PRKG1: variants seen among roughly 807,000 people sequenced by gnomAD.
The protein encoded by PRKG1 is protein kinase cGMP-dependent 1.
Under a neutral mutation model 88.1 loss-of-function variants are expected in PRKG1, and 35 were observed. That is an observed-to-expected ratio of 0.40 (90% confidence interval 0.30 to 0.53). The LOEUF (loss-of-function observed/expected upper bound fraction) is 0.53. Ranked by LOEUF, PRKG1 falls within the 20% of genes least tolerant of loss-of-function variation. The pLI is 0.59. For missense variants in PRKG1, 540 were observed against 839.8 expected, an observed-to-expected ratio of 0.64 and a Z score of 4.41; for synonymous variants, 303 against 292.5, an observed-to-expected ratio of 1.04 and a Z score of -0.37.
chr10:51,804,929 T>C (rs1042557142), intron 4 of PRKG1, among the ~76,000 whole-genome samples: 2 of 152,084 alleles, frequency 1.3e-5, no homozygotes, highest in African/African-American at 4.8e-5. Context: ...CCATGACGTA[T>C]GGTTAAGTCA....
chr10:51,153,682 C>T (rs187049729), intron 2 of PRKG1, among the ~76,000 whole-genome samples: 1 of 151,950 alleles, frequency 6.6e-6, no homozygotes, highest in East Asian at 1.9e-4. Context: ...TATTTTTGGC[C>T]GATAATTTAA....
chr10:51,787,594 T>C (rs1838760654), intron 3 of PRKG1, among the ~76,000 whole-genome samples: 1 of 152,136 alleles, frequency 6.6e-6, no homozygotes, highest in Non-Finnish European at 1.5e-5. Flanking sequence ...CTGCTGTGTA[T>C]ATTTATACCT....
chr10:52,024,730 T>A (rs932813297), intron 5 of PRKG1, among the ~76,000 whole-genome samples: 5 of 152,212 alleles, frequency 3.3e-5, no homozygotes, highest in African/African-American at 1.2e-4. Context: ...AGTCTATCAT[T>A]GATGGACATT....
At chr10:51,975,829 A>C (rs1288798123) in intron 5 of PRKG1, among the ~76,000 whole-genome samples, 5 of 152,208 alleles carry the variant, frequency 3.3e-5, no homozygotes, top group African/African-American at 1.2e-4. Context: ...CAAAATGATT[A>C]TATCAGTACA....
At chr10:52,191,360 G>C (rs1391589320) in intron 9 of PRKG1, among the ~76,000 whole-genome samples, 1 of 151,352 alleles carries the variant, frequency 6.6e-6, no homozygotes, top group African/African-American at 2.4e-5. Flanking sequence ...CAGAGATGGG[G>C]TTTTGCCATG....
chr10:51,093,030 C>G (rs1045481435), intron 1 of PRKG1, among the ~76,000 whole-genome samples: 2 of 152,148 alleles, frequency 1.3e-5, no homozygotes, highest in Non-Finnish European at 2.9e-5. Flanking sequence ...TCAAAACACA[C>G]TACGAATCGT....
intron 3 of PRKG1, among the ~76,000 whole-genome samples, chr10:51,727,175 A>G (rs954785472): frequency 2.6e-5 from 4 of 151,852 alleles, no homozygotes; most frequent in African/African-American, 9.7e-5. Context: ...GCATGATGAC[A>G]CACACCTGTG....
intron 3 of PRKG1, among the ~76,000 whole-genome samples, chr10:51,649,013 C>A: frequency 6.6e-6 from 1 of 152,040 alleles, no homozygotes; most frequent in Non-Finnish European, 1.5e-5. Context: ...AAACTAAACC[C>A]CGTCTCTATA....
intron 8 of PRKG1, among the ~76,000 whole-genome samples, chr10:52,149,912 C>T (rs768945591): frequency 6.6e-6 from 1 of 151,978 alleles, no homozygotes; most frequent in Non-Finnish European, 1.5e-5. Context: ...TTTGGGAGGC[C>T]AAGGTGGGTG....
intron 2 of PRKG1, among the ~76,000 whole-genome samples, chr10:51,282,955 C>G (rs1341427432): frequency 6.6e-6 from 1 of 152,000 alleles, no homozygotes; most frequent in African/African-American, 2.4e-5. Context: ...AACTTTTAAA[C>G]CCAAGAATTT....
At chr10:52,050,746 T>C (rs1233769642) in intron 5 of PRKG1, among the ~76,000 whole-genome samples, 2 of 152,160 alleles carry the variant, frequency 1.3e-5, no homozygotes, top group East Asian at 3.9e-4. Context: ...CAAGTTGAGT[T>C]ATGAAACACC....
intron 9 of PRKG1, among the ~76,000 whole-genome samples, chr10:52,166,700 G>A (rs1838450847): frequency 8.0e-6 from 1 of 125,760 alleles, no homozygotes; most frequent in African/African-American, 4.3e-5. Flanking sequence ...AAATATTTCT[G>A]ACGTGTATAG....
chr10:52,188,729 C>T (rs1188961534), intron 9 of PRKG1, among the ~76,000 whole-genome samples: 1 of 152,038 alleles, frequency 6.6e-6, no homozygotes, highest in Non-Finnish European at 1.5e-5. Flanking sequence ...AATTGATTAC[C>T]TTAAAAATGT....
chr10:51,940,544 C>G (rs1842885062), intron 5 of PRKG1, among the ~76,000 whole-genome samples: 1 of 151,740 alleles, frequency 6.6e-6, no homozygotes, highest in Non-Finnish European at 1.5e-5. Flanking sequence ...TTTCAAAGTT[C>G]AAGGAAAAAT....
At chr10:51,844,369 A>G (rs1840350631) in intron 4 of PRKG1, among the ~76,000 whole-genome samples, 1 of 152,170 alleles carries the variant, frequency 6.6e-6, no homozygotes, top group Admixed American at 6.6e-5. Flanking sequence ...AAGAGGGTTG[A>G]AAGATTAAGA....
At chr10:51,697,600 C>T (rs947422212) in intron 3 of PRKG1, 1 of 1,166,338 alleles carries the variant, frequency 8.6e-7, no homozygotes, top group Non-Finnish European at 1.2e-6. Context: ...GAGGGAAACC[C>T]TAATCCAAGT....
intron 3 of PRKG1, among the ~76,000 whole-genome samples, chr10:51,559,998 C>A (rs1837415937): frequency 6.6e-6 from 1 of 152,086 alleles, no homozygotes; most frequent in Non-Finnish European, 1.5e-5. Context: ...GTAAATTCTG[C>A]AACAGTGACG....
At chr10:51,384,629 C>G (rs1024668218) in intron 2 of PRKG1, among the ~76,000 whole-genome samples, 1 of 152,130 alleles carries the variant, frequency 6.6e-6, no homozygotes, top group African/African-American at 2.4e-5. Context: ...CTATTTTTAT[C>G]GTGAATCCCT....
rs1183429587 is a variant in PRKG1 at position 52,180,324 on chromosome 10, T to G, written c.1076+18361T>G. ...TCAAATCATGAATTGTTTCCCGGAT[T>G]TGTTTAAATTGTCTATCTGTAATCT... is the stretch of plus-strand genomic sequence containing the variant. On this transcript the variant is annotated intron_variant, in intron 9 of 17. Transcript: ENST00000373980. 2.0e-5 allele frequency among the ~76,000 whole-genome samples: 3 copies of G among 152,246 alleles called. No individual in the cohort carries two copies. In the South Asian group the frequency reaches 6.2e-4, roughly 31 times the overall value.
Sources: gnomAD v4.1 joint callset for allele counts (sites outside exome capture counted in the v4.1 genomes callset) on GRCh38, gnomAD v4.1.1 for gene constraint, MANE v1.5 for transcripts, NCBI Gene and HGNC (gene_info 2026-07-23, HGNC 2026-07-21) for gene names.